SFSWAP: variants seen among roughly 807,000 people sequenced by gnomAD.
The protein encoded by SFSWAP is splicing factor, suppressor of white-apricot homolog.
Under a neutral mutation model 100.7 loss-of-function variants are expected in SFSWAP, and 17 were observed. That is an observed-to-expected ratio of 0.17 (90% CI 0.12 to 0.25). The LOEUF is 0.25. Ranked by LOEUF, SFSWAP falls within the 10% of genes least tolerant of loss-of-function variation. The pLI is 1.00. For missense variants in SFSWAP, 1,005 were observed against 1,262.6 expected (o/e 0.80, Z 3.09); for synonymous variants, 504 against 510.1 (o/e 0.99, Z 0.16).
At chr12:131,781,709 C>T (rs1338594040) in intron 14 of SFSWAP, among the ~76,000 whole-genome samples, 4 of 152,102 alleles carry the variant, frequency 2.6e-5, no homozygotes, top group African/African-American at 4.8e-5. Flanking sequence ...CACTTTACAG[C>T]GTCAGCAGAG....
intron 15 of SFSWAP, among the ~76,000 whole-genome samples, chr12:131,795,885 C>G (rs140175097): frequency 2.7e-5 from 4 of 149,692 alleles, no homozygotes; most frequent in Non-Finnish European, 5.9e-5. Context: ...GCCAGGGAGT[C>G]CCCCTGGCAG....
intron 3 of SFSWAP, among the ~76,000 whole-genome samples, chr12:131,719,105 T>C (rs1302932089): frequency 6.6e-6 from 1 of 151,940 alleles, no homozygotes; most frequent in Non-Finnish European, 1.5e-5. Flanking sequence ...TATATGTGGG[T>C]TCAAATGGAC....
intron 15 of SFSWAP, among the ~76,000 whole-genome samples, chr12:131,788,334 C>T (rs1421775009): frequency 6.6e-6 from 1 of 152,194 alleles, no homozygotes; most frequent in East Asian, 1.9e-4. Flanking sequence ...CAGTGCTGAG[C>T]CCTGAGCTGC....
intron 16 of SFSWAP, 49 bp from the exon 17 acceptor site, chr12:131,798,988 C>T (rs1885873781): frequency 6.9e-7 from 1 of 1,447,632 alleles, no homozygotes; most frequent in Non-Finnish European, 9.7e-7. Context: ...GGCCTTGGCT[C>T]AGCATCTTCA....
intron 13 of SFSWAP, among the ~76,000 whole-genome samples, chr12:131,770,093 G>A (rs954210782): frequency 2.6e-5 from 4 of 152,164 alleles, no homozygotes; most frequent in Admixed American, 2.6e-4. Flanking sequence ...AATTAAATTG[G>A]CAATTGCCAT....
At position 131,756,514 on chromosome 12, in the gene SFSWAP, C is replaced by T. The variant is rs528307334; in HGVS notation, c.1590C>T (p.Pro530=). 6.8e-5 allele frequency: 110 copies of T among 1,613,944 alleles called. No individual in the cohort carries two copies. The highest frequency in any genetic ancestry group is 1.2e-4 in the Admixed American group (7 of 60,000). Residue 530 remains proline, a synonymous_variant, in exon 11 of 18, where the codon CCC becomes CCT. Transcript: ENST00000261674. ...AAGAGGCTCCCACAGACTCTGCTCCCGAGAAGCCAAGTGATGCTGGGGAGG... is the reference window on the plus strand; with the variant it reads ...AAGAGGCTCCCACAGACTCTGCTCCTGAGAAGCCAAGTGATGCTGGGGAGG... ...APEEAPTDSA[P]EKPSDAGEDG...
chr12:131,782,260 T>C (rs1388767891), intron 14 of SFSWAP, among the ~76,000 whole-genome samples: 2 of 152,234 alleles, frequency 1.3e-5, no homozygotes, highest in African/African-American at 4.8e-5. Context: ...GATTGCATTT[T>C]TCTAAACTGG....
intron 7 of SFSWAP, among the ~76,000 whole-genome samples, chr12:131,740,692 T>C (rs901867305): frequency 6.6e-6 from 1 of 152,164 alleles, no homozygotes; most frequent in Non-Finnish European, 1.5e-5. Context: ...GCCATGTCTA[T>C]TTATTCCTTG....
At chr12:131,795,457 C>T (rs1373268988) in intron 15 of SFSWAP, among the ~76,000 whole-genome samples, 1 of 152,224 alleles carries the variant, frequency 6.6e-6, no homozygotes, top group Non-Finnish European at 1.5e-5. Flanking sequence ...GCTACCGCAG[C>T]TCTGTCTAAG....
chr12:131,770,465 G>A (rs1479588372), intron 13 of SFSWAP, among the ~76,000 whole-genome samples: 2 of 152,196 alleles, frequency 1.3e-5, no homozygotes, highest in African/African-American at 4.8e-5. Context: ...TCACCTTAAA[G>A]TTAACTGAAA....
chr12:131,787,779 G>A (rs1184646922), intron 15 of SFSWAP, among the ~76,000 whole-genome samples: 2 of 152,196 alleles, frequency 1.3e-5, no homozygotes, highest in African/African-American at 4.8e-5. Flanking sequence ...GAGAGCCACA[G>A]CAGGTCCTCC....
At chr12:131,789,468 G>A (rs1277458950) in intron 15 of SFSWAP, among the ~76,000 whole-genome samples, 2 of 152,136 alleles carry the variant, frequency 1.3e-5, no homozygotes, top group African/African-American at 4.8e-5. Flanking sequence ...GCTGTAGTGT[G>A]GGCTGTGATC....
At chr12:131,712,798 CA>C (rs1196370697) in intron 1 of SFSWAP, 1 of 152,178 alleles carries the variant, frequency 6.6e-6, no homozygotes, top group African/African-American at 2.4e-5. Flanking sequence ...CTTGCTTTTC[CA>C]AAGTGTCACT....
At chr12:131,717,496 G>A (rs1236111278) in intron 3 of SFSWAP, among the ~76,000 whole-genome samples, 1 of 151,974 alleles carries the variant, frequency 6.6e-6, no homozygotes, top group Non-Finnish European at 1.5e-5. Context: ...ATCTGAGTTT[G>A]TAGTGCAATG....
At chr12:131,793,207 C>T (rs773023538) in intron 15 of SFSWAP, among the ~76,000 whole-genome samples, 2 of 151,962 alleles carry the variant, frequency 1.3e-5, no homozygotes, top group Non-Finnish European at 2.9e-5. Flanking sequence ...AATCCTCCCA[C>T]CTCAGCTGGG....
At chr12:131,780,299 A>G (rs1051632332) in intron 14 of SFSWAP, among the ~76,000 whole-genome samples, 2 of 152,194 alleles carry the variant, frequency 1.3e-5, no homozygotes, top group Non-Finnish European at 1.5e-5. Context: ...TTGCTAATAT[A>G]TCTTCAATTT....
chr12:131,716,299 A>G (rs1877909178), intron 3 of SFSWAP, among the ~76,000 whole-genome samples: 2 of 152,242 alleles, frequency 1.3e-5, no homozygotes, highest in African/African-American at 4.8e-5. Flanking sequence ...GTTAAAGGCC[A>G]GTTAAGGTAT....
intron 14 of SFSWAP, among the ~76,000 whole-genome samples, chr12:131,779,356 A>G (rs1029495096): frequency 2.0e-5 from 3 of 151,854 alleles, no homozygotes; most frequent in South Asian, 2.1e-4. Flanking sequence ...AGGAGTCACT[A>G]TTAAACCAAA....
chr12:131,786,377 G>A, intron 14 of SFSWAP, 86 bp from the exon 15 acceptor site: 1 of 1,471,806 alleles, frequency 6.8e-7, no homozygotes, highest in Non-Finnish European at 9.1e-7. Flanking sequence ...TGCAGACGGG[G>A]CCTGATCTCT....
Sources: gnomAD v4.1 joint callset for allele counts (sites outside exome capture counted in the v4.1 genomes callset) on GRCh38, gnomAD v4.1.1 for gene constraint, MANE v1.5 for transcripts, NCBI Gene and HGNC (gene_info 2026-07-23, HGNC 2026-07-21) for gene names.